Variants in FGF12 observed in about 807,000 individuals in gnomAD.
FGF12 encodes the protein fibroblast growth factor 12B.
In FGF12, 14 loss-of-function variants were observed where a neutral mutation model predicts 23.6. That is an observed-to-expected ratio of 0.59 (90% CI 0.39 to 0.93). The LOEUF is 0.93. FGF12 is among the 40% of genes least tolerant of loss of function. FGF12 has a pLI of 0.00. For missense variants in FGF12, 175 were observed against 217.8 expected, an observed-to-expected ratio of 0.80 and a Z score of 1.24; for synonymous variants, 62 against 77.3, an observed-to-expected ratio of 0.80 and a Z score of 1.04.
intron 2 of FGF12, among the ~76,000 whole-genome samples, chr3:192,635,823 A>ATCTCAT (rs1715559927): frequency 1.3e-5 from 2 of 152,180 alleles, no homozygotes; most frequent in African/African-American, 2.4e-5. Context: ...AGTCTGGATA[A>ATCTCAT]GATGTAGAAC....
At chr3:192,617,325 G>A (rs1714795980) in intron 2 of FGF12, among the ~76,000 whole-genome samples, 1 of 152,046 alleles carries the variant, frequency 6.6e-6, no homozygotes, top group Admixed American at 6.6e-5. Context: ...AAGGAAAGTG[G>A]GGGAGGTGGG....
At chr3:192,295,175 C>G (rs1317407980) in intron 4 of FGF12, among the ~76,000 whole-genome samples, 1 of 152,222 alleles carries the variant, frequency 6.6e-6, no homozygotes, top group Non-Finnish European at 1.5e-5. Context: ...GCCGACCTAT[C>G]TAAGAGAACT....
intron 2 of FGF12, among the ~76,000 whole-genome samples, chr3:192,625,737 A>G (rs1425155591): frequency 6.6e-6 from 1 of 152,172 alleles, no homozygotes; most frequent in African/African-American, 2.4e-5. Context: ...AAGGGTATTT[A>G]GGTAATAAAA....
intron 4 of FGF12, among the ~76,000 whole-genome samples, chr3:192,251,494 C>T (rs1277582701): frequency 6.6e-6 from 1 of 151,842 alleles, no homozygotes; most frequent in African/African-American, 2.4e-5. Flanking sequence ...ATACAAAGTC[C>T]CAAGACAAAT....
chr3:192,502,223 GT>G (rs1165433883), intron 2 of FGF12, among the ~76,000 whole-genome samples: 1 of 152,128 alleles, frequency 6.6e-6, no homozygotes, highest in Non-Finnish European at 1.5e-5. Flanking sequence ...CACCACCATT[GT>G]AACAGATGCT....
intron 2 of FGF12, among the ~76,000 whole-genome samples, chr3:192,473,824 A>T (rs1456314536): frequency 2.0e-5 from 3 of 152,190 alleles, no homozygotes; most frequent in Non-Finnish European, 4.4e-5. Flanking sequence ...CCTTTAGTGT[A>T]ACTGTGTGGA....
chr3:192,164,392 C>T (rs1244305907), intron 5 of FGF12, among the ~76,000 whole-genome samples: 1 of 152,080 alleles, frequency 6.6e-6, no homozygotes, highest in Non-Finnish European at 1.5e-5. Context: ...GAATAGGTGA[C>T]CCTGAAACCC....
At chr3:192,444,845 T>C (rs578091786) in intron 2 of FGF12, among the ~76,000 whole-genome samples, 1 of 152,342 alleles carries the variant, frequency 6.6e-6, no homozygotes, top group East Asian at 1.9e-4. Flanking sequence ...ATGAATTCTC[T>C]ATCTTAGGGA....
chr3:192,608,825 G>A (rs912668227), intron 2 of FGF12, among the ~76,000 whole-genome samples: 4 of 152,132 alleles, frequency 2.6e-5, no homozygotes, highest in Non-Finnish European at 5.9e-5. Flanking sequence ...GCAGTAGAGA[G>A]AGACATAACA....
intron 2 of FGF12, among the ~76,000 whole-genome samples, chr3:192,380,556 A>G (rs1192772236): frequency 6.6e-6 from 1 of 152,234 alleles, no homozygotes; most frequent in Non-Finnish European, 1.5e-5. Context: ...ACCATAAAAC[A>G]CTATCAAATG....
At chr3:192,511,414 C>A (rs750154295) in intron 2 of FGF12, among the ~76,000 whole-genome samples, 2 of 152,154 alleles carry the variant, frequency 1.3e-5, no homozygotes, top group Non-Finnish European at 2.9e-5. Flanking sequence ...TGATGAGGAA[C>A]CTGCAATTTT....
Position 192,140,260 on chromosome 3 carries a change from TA to T in FGF12, c.*3748del, listed in dbSNP as rs765686134. The T allele has an allele frequency of 1.3e-5, 2 of 152,040 alleles. No individual in the cohort carries two copies. Among genetic ancestry groups the T allele is most frequent in the Non-Finnish European group, 2.9e-5 (2 of 67,926 alleles). 9.4% of individuals were successfully genotyped at this position (152,040 alleles called of 1,614,324 possible). On this transcript the variant is annotated 3_prime_UTR_variant, in exon 6 of 6. Coordinates refer to ENST00000445105, the MANE Select transcript of FGF12 (RefSeq NM_004113.6). The stretch of plus-strand genomic sequence containing the variant: ...CACTGTTTTAAATGTAATTTTGACT[TA>T]AAAAATGCTATTTACAATTTTATGA...
At chr3:192,603,343 A>G (rs1365125855) in intron 2 of FGF12, among the ~76,000 whole-genome samples, 1 of 152,198 alleles carries the variant, frequency 6.6e-6, no homozygotes, top group Non-Finnish European at 1.5e-5. Flanking sequence ...AAGTTTTAGG[A>G]TACAAAATCA....
chr3:192,142,031 T>C lies in FGF12; in HGVS notation c.*1978A>G, dbSNP rs1332039215. 1 of 152,314 alleles carries C rather than the reference T, an allele frequency of 6.6e-6. No individual in the cohort carries two copies. The highest frequency in any genetic ancestry group is 1.5e-5 in the Non-Finnish European group (1 of 67,864). 9.4% of individuals were successfully genotyped at this position (152,314 alleles called of 1,614,324 possible). A position where few individuals can be genotyped will look rare whatever the true frequency, so the allele number is the denominator to read the frequency against. On this transcript the variant is annotated 3_prime_UTR_variant, in exon 6 of 6. Coordinates refer to ENST00000445105, the MANE Select transcript of FGF12 (RefSeq NM_004113.6). ...TAGAGTTATATTTTTGCCCCAGGGG[T>C]ATTCTTTTCCTAGAAGAGCAAGTCC...
At chr3:192,224,688 C>A (rs1718643164) in intron 4 of FGF12, among the ~76,000 whole-genome samples, 1 of 151,948 alleles carries the variant, frequency 6.6e-6, no homozygotes, top group South Asian at 2.1e-4. Context: ...TGAGGATTAT[C>A]ATAGTCCTAC....
At chr3:192,476,995 G>T (rs919062491) in intron 2 of FGF12, among the ~76,000 whole-genome samples, 9 of 152,200 alleles carry the variant, frequency 5.9e-5, no homozygotes, top group Non-Finnish European at 1.2e-4. Context: ...ACTTACAAAA[G>T]AAGTGATTAC....
Position 192,244,456 on chromosome 3 carries a change from C to T in FGF12, c.229-73800G>A, listed in dbSNP as rs1577273199. ...GAGTGATAGTGTGGACAGTGGCTATCTTTTCTAACAAAGAGAGGTAAATAG... is the reference window on the plus strand; with the variant it reads ...GAGTGATAGTGTGGACAGTGGCTATTTTTTCTAACAAAGAGAGGTAAATAG... On this transcript the variant is annotated intron_variant, in intron 4 of 5. Coordinates refer to ENST00000445105, the MANE Select transcript of FGF12 (RefSeq NM_004113.6). 2.0e-5 allele frequency among the ~76,000 whole-genome samples: 3 copies of T among 152,156 alleles called. No individual in the cohort carries two copies. In the South Asian group the frequency reaches 6.2e-4, roughly 32 times the overall value.
intron 2 of FGF12, among the ~76,000 whole-genome samples, chr3:192,399,123 C>CAAA (rs35547975): frequency 7.3e-6 from 1 of 137,832 alleles, no homozygotes; most frequent in Non-Finnish European, 1.6e-5. Flanking sequence ...CAAATATAAG[C>CAAA]AAAAAAAAAA....
rs147867482 is a variant in FGF12, at chr3:192,594,895, A to G, written c.13+132286T>C. Among the ~76,000 whole-genome samples the G allele has an allele frequency of 4.0e-3, 613 of 152,028 alleles. 8 individuals carry two copies. Among genetic ancestry groups the G allele is most frequent in the South Asian group, 4.8e-3 (23 of 4,760 alleles). On this transcript the variant is annotated intron_variant, in intron 2 of 5. Transcript: ENST00000445105. ...GAAAATGGACTAAGATACCTGCCTA[A>G]GACTCATACAATTGTCTAGGCCCTA...
Sources: gnomAD v4.1 joint callset for allele counts (sites outside exome capture counted in the v4.1 genomes callset) on GRCh38, gnomAD v4.1.1 for gene constraint, MANE v1.5 for transcripts, NCBI Gene and HGNC (gene_info 2026-07-23, HGNC 2026-07-21) for gene names.